Variants in SPTBN4 observed in about 807,000 individuals in gnomAD.
SPTBN4 encodes spectrin beta chain, non-erythrocytic 4.
In SPTBN4, 96 loss-of-function variants were observed where a neutral mutation model predicts 277.8. The observed-to-expected ratio is 0.35, with a 90% CI of 0.29 to 0.41. The LOEUF (loss-of-function observed/expected upper bound fraction) is 0.41. Among genes scored for constraint, SPTBN4 ranks in the 10% least tolerant of loss-of-function variants. SPTBN4 has a pLI of 1.00. For missense variants in SPTBN4, 3,006 were observed against 3,595.7 expected, an observed-to-expected ratio of 0.84 and a Z score of 4.19; for synonymous variants, 1,481 against 1,580.3, an observed-to-expected ratio of 0.94 and a Z score of 1.49.
At chr19:40,529,532 C>A (rs890317991) in intron 18 of SPTBN4, among the ~76,000 whole-genome samples, 9 of 152,186 alleles carry the variant, frequency 5.9e-5, no homozygotes, top group Non-Finnish European at 2.9e-5. Context: ...CTGCAGCCAG[C>A]GATGGCTCTG....
chr19:40,557,258 A>T lies in SPTBN4; in HGVS notation c.5525A>T (p.Asp1842Val), dbSNP rs1390355414. 2.5e-6 allele frequency: 4 copies of T among 1,613,630 alleles called. No homozygotes were observed. The highest frequency in any genetic ancestry group is 3.4e-6 in the Non-Finnish European group (4 of 1,179,864). ...CGGGAGCTTCATAAGTTCTTCAGTG[A>T]CGCCCGAGAGCTTCAGGGACAGATT... The part of the protein sequence containing the change: ...ASRELHKFFS[D>V]ARELQGQIEE... Residue 1842 changes from aspartate (D) to valine (V), a missense_variant, in exon 26 of 36, where the codon GAC becomes GTC. Transcript: ENST00000598249.
intron 20 of SPTBN4, among the ~76,000 whole-genome samples, chr19:40,541,268 G>C (rs912249816): frequency 7.2e-5 from 11 of 152,218 alleles, no homozygotes; most frequent in African/African-American, 2.4e-4. Context: ...GGTCCCCATT[G>C]TTCAAGGGAG....
chr19:40,470,957 T>G (rs922466159), intron 1 of SPTBN4, among the ~76,000 whole-genome samples: 2 of 134,592 alleles, frequency 1.5e-5, no homozygotes, highest in East Asian at 2.0e-4. Flanking sequence ...TCTATCACCT[T>G]TTTTTTTTTT....
At chr19:40,471,238 C>T (rs574369604) in intron 1 of SPTBN4, among the ~76,000 whole-genome samples, 13 of 152,234 alleles carry the variant, frequency 8.5e-5, no homozygotes, top group South Asian at 8.3e-4. Flanking sequence ...TGAGCCACCG[C>T]GCCTGGCCCT....
At chr19:40,498,560 C>T (rs1009918550) in intron 7 of SPTBN4, among the ~76,000 whole-genome samples, 2 of 151,340 alleles carry the variant, frequency 1.3e-5, no homozygotes, top group African/African-American at 4.9e-5. Flanking sequence ...CGCCCGCCAC[C>T]ACGCCCGGCT....
At chr19:40,471,656 T>C (rs2079885020) in intron 1 of SPTBN4, among the ~76,000 whole-genome samples, 1 of 152,304 alleles carries the variant, frequency 6.6e-6, no homozygotes, top group South Asian at 2.1e-4. Flanking sequence ...CACTGTAGCC[T>C]TGGCTTCTTG....
intron 21 of SPTBN4, among the ~76,000 whole-genome samples, chr19:40,549,814 C>T (rs2080897853): frequency 6.6e-6 from 1 of 152,228 alleles, no homozygotes; most frequent in South Asian, 2.1e-4. Flanking sequence ...CCAAGGCAGA[C>T]CCCATTGTGC....
At chr19:40,557,506 G>C (rs2080995355) in intron 26 of SPTBN4, 103 bp downstream of exon 26, 1 of 1,388,282 alleles carries the variant, frequency 7.2e-7, no homozygotes, top group African/African-American at 1.4e-5. Context: ...ATTAGGCAGT[G>C]GCACAGACAG....
Position 40,529,086 on chromosome 19 carries a change from A to G in SPTBN4, c.3903A>G (p.Leu1301=), listed in dbSNP as rs377443900. Residue 1301 remains leucine (L), a synonymous_variant, in exon 18 of 36, where the codon CTA becomes CTG. Transcript: ENST00000598249. The part of the protein sequence containing the change: ...QLRAQQWMQK[L]HDQLELQHFL... ...GGGCCCAGCAATGGATGCAAAAGCT[A>G]CATGACCAACTTGAGCTGCAGCACT... The G allele has an allele frequency of 2.7e-5, 43 of 1,613,998 alleles. 1 individual carries two copies. Among genetic ancestry groups the G allele is most frequent in the Non-Finnish European group, 3.6e-5 (42 of 1,179,984 alleles).
intron 20 of SPTBN4, among the ~76,000 whole-genome samples, chr19:40,544,415 T>C (rs546246263): frequency 2.1e-4 from 31 of 147,892 alleles, no homozygotes; most frequent in African/African-American, 6.5e-4. Context: ...GTGCTGGGAT[T>C]ACAGGCATGA....
chr19:40,509,647 C>T (rs1246954244), intron 13 of SPTBN4, among the ~76,000 whole-genome samples: 1 of 152,196 alleles, frequency 6.6e-6, no homozygotes, highest in East Asian at 1.9e-4. Context: ...AACTGAGGCC[C>T]AGGCCATGGA....
intron 33 of SPTBN4, 45 bp from the exon 34 acceptor site, chr19:40,571,974 G>A (rs765510194): frequency 2.7e-6 from 4 of 1,502,944 alleles, no homozygotes; most frequent in Non-Finnish European, 3.6e-6. Context: ...GAGTTATTAG[G>A]CAGAGTGCTG....
At chr19:40,499,595 C>T (rs2080241230) in intron 7 of SPTBN4, among the ~76,000 whole-genome samples, 1 of 151,040 alleles carries the variant, frequency 6.6e-6, no homozygotes, top group Admixed American at 6.6e-5. Context: ...TGGGGTCTCG[C>T]TATGTTGCCC....
intron 30 of SPTBN4, 150 bp downstream of exon 30, chr19:40,566,509 C>T (rs1002467184): frequency 3.0e-6 from 2 of 665,284 alleles, no homozygotes; most frequent in East Asian, 3.2e-5. Flanking sequence ...CCCAGTGGAG[C>T]AGAGGGACAG....
In SPTBN4 at chr19:40,497,618, G is replaced by A. The variant is rs757249800; in HGVS notation, c.784+14G>A. 1.3e-5 allele frequency: 21 copies of A among 1,609,178 alleles called. No individual in the cohort carries two copies. The highest frequency in any genetic ancestry group is 1.7e-5 in the Non-Finnish European group (20 of 1,177,122). ...TGGATCCTGAAGGTGAGCCTCTCGC[G>A]GGCCCAGCCCAGACTTCGTCTTGGG... On this transcript the variant is annotated intron_variant, in intron 7 of 35. Coordinates refer to ENST00000598249, the MANE Select transcript of SPTBN4 (RefSeq NM_020971.3).
chr19:40,556,183 G>T lies in SPTBN4; in HGVS notation c.5184G>T (p.Trp1728Cys). 1 of 1,613,592 alleles carries T rather than the reference G, an allele frequency of 6.2e-7. No individual in the cohort carries two copies. Among genetic ancestry groups the T allele is most frequent in the Non-Finnish European group, 8.5e-7 (1 of 1,180,006 alleles). The part of the protein sequence containing the change: ...ERRVALEQQY[W>C]LYQLSRQVSE... ...GGGTGGCTCTGGAACAGCAGTACTGGCTGTACCAGCTCAGCCGCCAGGTGA... is the reference window on the plus strand; with the variant it reads ...GGGTGGCTCTGGAACAGCAGTACTGTCTGTACCAGCTCAGCCGCCAGGTGA... The change falls in exon 25 of 36, where the codon TGG becomes TGT. Residue 1728 changes from tryptophan (W) to cysteine (C), a missense_variant. This residue lies in a region of SPTBN4 where 425 missense variants were observed against 594.7 expected (regional missense o/e 0.71). Coordinates refer to ENST00000598249, the MANE Select transcript of SPTBN4 (RefSeq NM_020971.3).
chr19:40,567,511 C>A, intron 30 of SPTBN4, 152 bp from the exon 31 acceptor site: 1 of 639,420 alleles, frequency 1.6e-6, no homozygotes, highest in Non-Finnish European at 2.4e-6. Context: ...TGGCAGAGAG[C>A]AAAGCATCGC....
Position 40,554,263 on chromosome 19 carries a change from G to A in SPTBN4, c.4791G>A (p.Glu1597=). ...CAGAGGCAGTGCGCCGGGGCCTGGA[G>A]CAGCTGCAGAGCGCCTGGGCCGGAC... ...PEAEAVRRGL[E]QLQSAWAGLR... is the part of the protein sequence containing the mutation. The change falls in exon 23 of 36, where the codon GAG becomes GAA. Residue 1597 remains glutamate, a synonymous_variant. Transcript: ENST00000598249. This position sits in a 1 kb window ranked among gnomAD's most constrained non-coding sequence, Gnocchi z 5.7. 1 of 1,532,622 alleles carries A rather than the reference G, an allele frequency of 6.5e-7. No homozygotes were observed. Among genetic ancestry groups the A allele is most frequent in the South Asian group, 1.2e-5 (1 of 83,748 alleles). The allele number at this position is 1,532,622 out of a possible 1,614,324, so 94.9% of individuals were successfully genotyped here.
chr19:40,521,661 GC>G (rs1466936046), intron 16 of SPTBN4, among the ~76,000 whole-genome samples: 14 of 152,188 alleles, frequency 9.2e-5, no homozygotes, highest in Admixed American at 9.2e-4. Context: ...CTGCTATGCG[GC>G]CCAGTTTTTA....
Sources: gnomAD v4.1 joint callset for allele counts (sites outside exome capture counted in the v4.1 genomes callset) on GRCh38, gnomAD v4.1.1 for gene constraint, gnomAD v4.1.1 regional missense constraint, Gnocchi (gnomAD v3.1) non-coding constraint, MANE v1.5 for transcripts, NCBI Gene and HGNC (gene_info 2026-07-23, HGNC 2026-07-21) for gene names.